IARS1: variants seen among roughly 807,000 people sequenced by gnomAD.
IARS1 encodes the protein isoleucyl-tRNA synthetase 1.
IARS1 carries 124 observed loss-of-function variants against 168.2 expected under a neutral mutation model. The ratio of observed to expected loss-of-function variants is 0.74; its 90% confidence interval spans 0.64 to 0.86. The LOEUF is 0.86. Among genes scored for constraint, IARS1 ranks in the 40% least tolerant of loss-of-function variants. The probability of loss-of-function intolerance (pLI) is 0.00; values close to 1 mark genes in which losing one functional copy is unlikely to be tolerated. For missense variants in IARS1, 1,452 were observed against 1,515.8 expected (o/e 0.96, Z 0.70); for synonymous variants, 532 against 529.4 (o/e 1.00, Z -0.07).
At chr9:92,248,652 CAAAAA>C (rs886459066) in intron 25 of IARS1, among the ~76,000 whole-genome samples, 5 of 46,746 alleles carry the variant, frequency 1.1e-4, no homozygotes, top group African/African-American at 7.9e-5. Context: ...GACCCTGTCA[CAAAAA>C]AAAAAAAAAA....
chr9:92,289,225 A>AAG, intron 2 of IARS1, 76 bp downstream of exon 2: 1 of 623,514 alleles, frequency 1.6e-6, no homozygotes, highest in South Asian at 2.0e-5. Flanking sequence ...AAAAAAAAAA[A>AAG]AAGTATCTGC....
Position 92,256,553 on chromosome 9 carries a change from TG to T in IARS1, c.2137+126del, listed in dbSNP as rs1427155404. On this transcript the variant is annotated intron_variant, in intron 20 of 33. Transcript: ENST00000443024. The stretch of plus-strand genomic sequence containing the variant: ...ATTAACAAGCCTTAACAAAACTATA[TG>T]AGAGGTAAAAGGAAACAATTATTTA... The T allele has an allele frequency of 4.0e-6, 4 of 995,434 alleles. No homozygotes were observed. The Admixed American group carries it at 9.5e-5, about 24-fold the overall frequency. The allele number at this position is 995,434 out of a possible 1,614,324, so 61.7% of individuals were successfully genotyped here.
At chr9:92,231,223 G>C (rs1373134519) in intron 30 of IARS1, among the ~76,000 whole-genome samples, 1 of 152,144 alleles carries the variant, frequency 6.6e-6, no homozygotes, top group Non-Finnish European at 1.5e-5. Flanking sequence ...ACCTAAGTAA[G>C]TAACCTTAAT....
chr9:92,249,935 A>G lies in IARS1; in HGVS notation c.2539T>C (p.Leu847=), dbSNP rs1384089803. Residue 847 remains leucine (L), a synonymous_variant, in exon 25 of 34, where the codon TTG becomes CTG. Transcript: ENST00000443024. ...DRKTIPIKYP[L]KEIVVIHQDP... ...TGATGGATAACCACAATTTCTTTCA[A>G]AGGATACTAGGAGGAAAAGGGAGGG... is the stretch of plus-strand genomic sequence containing the variant. 1.9e-6 allele frequency: 3 copies of G among 1,595,748 alleles called. No individual in the cohort carries two copies. Among genetic ancestry groups the G allele is most frequent in the African/African-American group, 1.3e-5 (1 of 74,544 alleles).
intron 12 of IARS1, 63 bp from the exon 13 acceptor site, chr9:92,270,046 C>CA: frequency 1.0e-6 from 1 of 998,440 alleles, no homozygotes; most frequent in South Asian, 1.3e-5. Flanking sequence ...TACGGTAAGA[C>CA]TGACTTTTCA....
In IARS1 at chr9:92,210,875, T is replaced by C. The variant is rs377100580; in HGVS notation, c.3721A>G (p.Ile1241Val). Residue 1241 changes from isoleucine to valine, a missense_variant, in exon 34 of 34, where the codon ATC (isoleucine) becomes GTC (valine). Transcript: ENST00000443024. ...TTCATATTCAAAGTCTTCACGGGGA[T>C]GTCTTCTGTAATTTCTAGAATGGAA... Reference protein sequence around the residue: ...ETQTQEITEDIPVKTLNMKTV... With the variant: ...ETQTQEITEDVPVKTLNMKTV... 2.2e-5 allele frequency: 35 copies of C among 1,606,102 alleles called. No individual in the cohort carries two copies. Among genetic ancestry groups the C allele is most frequent in the Non-Finnish European group, 2.8e-5 (33 of 1,172,784 alleles).
At chr9:92,221,181 C>A (rs1213458414) in intron 33 of IARS1, among the ~76,000 whole-genome samples, 1 of 151,744 alleles carries the variant, frequency 6.6e-6, no homozygotes, top group Non-Finnish European at 1.5e-5. Context: ...TATATAAGGA[C>A]AAAAGGAGGG....
intron 16 of IARS1, among the ~76,000 whole-genome samples, chr9:92,263,507 C>A (rs143757582): frequency 2.6e-5 from 4 of 152,346 alleles, no homozygotes; most frequent in Non-Finnish European, 5.9e-5. Flanking sequence ...ATGTTATGTA[C>A]CTCATTTATG....
rs1285341000 is a variant in IARS1, at chr9:92,228,994, C to T, written c.3409+7G>A. On this transcript the variant is annotated splice_region_variant and intron_variant, in intron 31 of 33. Coordinates refer to ENST00000443024, the MANE Select transcript of IARS1 (RefSeq NM_002161.6). ...AAGGACGTAGGCTCCTCTCACTTTC[C>T]ACATACCTGTTTCATCATGGAAGAC... is the stretch of plus-strand genomic sequence containing the variant. 1.9e-6 allele frequency: 3 copies of T among 1,613,870 alleles called. No homozygotes were observed. The African/African-American group carries it at 4.0e-5, about 22-fold the overall frequency.
At chr9:92,247,880 G>A (rs1829455309) in intron 25 of IARS1, among the ~76,000 whole-genome samples, 1 of 152,224 alleles carries the variant, frequency 6.6e-6, no homozygotes, top group South Asian at 2.1e-4. Context: ...TAGCAAATAG[G>A]TTCGTGGATG....
At chr9:92,279,076 C>T (rs1194258680) in intron 7 of IARS1, among the ~76,000 whole-genome samples, 1 of 152,160 alleles carries the variant, frequency 6.6e-6, no homozygotes, top group Non-Finnish European at 1.5e-5. Context: ...TTTAAACTCT[C>T]ATCATAAGCT....
chr9:92,286,492 CAGAAT>C lies in IARS1; in HGVS notation c.479+39_479+43del, dbSNP rs922667214. 1.1e-5 allele frequency: 12 copies of C among 1,048,320 alleles called. No homozygotes were observed. The African/African-American group carries it at 1.9e-4, about 17-fold the overall frequency. 64.9% of individuals were successfully genotyped at this position (1,048,320 alleles called of 1,614,324 possible). A position where few individuals can be genotyped will look rare whatever the true frequency, so the allele number is the denominator to read the frequency against. Reference sequence around the variant, plus strand: ...TGCATTTTTCCAATTATCAATACAACAGAATAGAATATTTACCATATTTACAATTT... The same window carrying C: ...TGCATTTTTCCAATTATCAATACAACAGAATATTTACCATATTTACAATTT... On this transcript the variant is annotated intron_variant, in intron 5 of 33. Coordinates refer to ENST00000443024, the MANE Select transcript of IARS1 (RefSeq NM_002161.6).
At chr9:92,250,025 A>T (rs1011534959) in intron 24 of IARS1, 84 bp from the exon 25 acceptor site, 12 of 927,200 alleles carry the variant, frequency 1.3e-5, no homozygotes, top group Non-Finnish European at 2.1e-5. Context: ...TGTTTATTTG[A>T]ATCTCAAGCT....
chr9:92,239,227 C>G (rs1460169763), intron 30 of IARS1, among the ~76,000 whole-genome samples: 3 of 152,136 alleles, frequency 2.0e-5, no homozygotes, highest in Admixed American at 6.5e-5. Context: ...TCTTTTAGGA[C>G]TGGTCTGCTG....
chr9:92,257,503 G>A (rs1486565528), intron 19 of IARS1, among the ~76,000 whole-genome samples: 1 of 152,186 alleles, frequency 6.6e-6, no homozygotes, highest in African/African-American at 2.4e-5. Flanking sequence ...ACCTGCCCAA[G>A]GACTGTTTGC....
At chr9:92,211,839 GA>G (rs1472087603) in intron 33 of IARS1, among the ~76,000 whole-genome samples, 2 of 152,098 alleles carry the variant, frequency 1.3e-5, no homozygotes, top group Non-Finnish European at 2.9e-5. Flanking sequence ...TGCTACGTGA[GA>G]AAGCAAGAAT....
chr9:92,240,647 G>A (rs1444558714), intron 30 of IARS1: 1 of 716,244 alleles, frequency 1.4e-6, no homozygotes, highest in Non-Finnish European at 2.6e-6. Flanking sequence ...TCTCACCTTG[G>A]CTTCCAAAAG....
At chr9:92,242,835 C>A in intron 28 of IARS1, 1 of 222,178 alleles carries the variant, frequency 4.5e-6, no homozygotes, top group Non-Finnish European at 9.0e-6. Flanking sequence ...GAAAAACTAC[C>A]CAACTCTGTC....
In IARS1 at chr9:92,217,704, T is replaced by C. The variant is rs376385819; in HGVS notation, c.3706+4816A>G. On this transcript the variant is annotated intron_variant, in intron 33 of 33. Transcript: ENST00000443024. ...ATGGATAAATTCCTCGACACATACATTCTCCCAAGACTAAACCAGGAAGAA... is the reference window on the plus strand; with the variant it reads ...ATGGATAAATTCCTCGACACATACACTCTCCCAAGACTAAACCAGGAAGAA... 3.5e-4 allele frequency among the ~76,000 whole-genome samples: 53 copies of C among 152,136 alleles called. 2 individuals carry two copies. Among genetic ancestry groups the C allele is most frequent in the Admixed American group, 1.3e-3 (20 of 15,272 alleles).
Sources: allele counts gnomAD v4.1 joint callset (sites outside exome capture counted in the v4.1 genomes callset), GRCh38; gene constraint gnomAD v4.1.1; transcripts MANE v1.5; gene names NCBI Gene and HGNC (gene_info 2026-07-23, HGNC 2026-07-21).